Variants in SYT1 observed in about 807,000 individuals in gnomAD.
SYT1 encodes synaptotagmin-1.
Under a neutral mutation model 44.8 loss-of-function variants are expected in SYT1, and 8 were observed. The ratio of observed to expected loss-of-function variants is 0.18; its 90% confidence interval spans 0.10 to 0.32. The LOEUF is 0.32. SYT1 is among the 10% of genes least tolerant of loss of function. The pLI is 1.00. For missense variants in SYT1, 286 were observed against 509.3 expected (o/e 0.56, Z 4.22); for synonymous variants, 154 against 188.8 (o/e 0.82, Z 1.51).
chr12:79,408,086 T>C (rs890241865), intron 9 of SYT1, among the ~76,000 whole-genome samples: 4 of 152,070 alleles, frequency 2.6e-5, no homozygotes, highest in African/African-American at 9.7e-5. Context: ...TTAAAGCAAA[T>C]GTATGCACAG....
intron 1 of SYT1, among the ~76,000 whole-genome samples, chr12:78,933,033 G>T (rs1303304858): frequency 2.0e-5 from 3 of 152,118 alleles, no homozygotes; most frequent in African/African-American, 7.2e-5. Flanking sequence ...GGTATCCTTG[G>T]AAATATTTGT....
intron 1 of SYT1, among the ~76,000 whole-genome samples, chr12:78,872,007 G>A (rs889943934): frequency 6.6e-6 from 1 of 151,846 alleles, no homozygotes; most frequent in Non-Finnish European, 1.5e-5. Flanking sequence ...TCTGTGTACA[G>A]GAAATTCTTC....
intron 4 of SYT1, among the ~76,000 whole-genome samples, chr12:79,234,097 C>G (rs562567694): frequency 6.6e-6 from 1 of 152,240 alleles, no homozygotes; most frequent in African/African-American, 2.4e-5. Flanking sequence ...TTCTAACATT[C>G]TTTCTCTCTC....
At chr12:79,217,288 A>G (rs907696857) in intron 3 of SYT1, among the ~76,000 whole-genome samples, 1 of 152,226 alleles carries the variant, frequency 6.6e-6, no homozygotes, top group Non-Finnish European at 1.5e-5. Flanking sequence ...GCTATTCAGT[A>G]ACTATGTCTG....
chr12:79,105,523 G>C (rs1878665922), intron 3 of SYT1, among the ~76,000 whole-genome samples: 1 of 152,192 alleles, frequency 6.6e-6, no homozygotes, highest in Non-Finnish European at 1.5e-5. Context: ...TGTGTCAGCA[G>C]TAAACTTTGG....
intron 1 of SYT1, among the ~76,000 whole-genome samples, chr12:78,894,946 T>C (rs1010233287): frequency 1.3e-5 from 2 of 151,684 alleles, no homozygotes; most frequent in Non-Finnish European, 3.0e-5. Flanking sequence ...TTCAGTGAGG[T>C]AATGCATATG....
chr12:79,339,711 T>G (rs1391515017), intron 8 of SYT1, among the ~76,000 whole-genome samples: 2 of 152,208 alleles, frequency 1.3e-5, no homozygotes, highest in Non-Finnish European at 2.9e-5. Context: ...TTGTTGTCAT[T>G]GCTTTTGGTG....
intron 2 of SYT1, among the ~76,000 whole-genome samples, chr12:79,030,362 T>A (rs1025016477): frequency 6.6e-6 from 1 of 150,944 alleles, no homozygotes; most frequent in African/African-American, 2.4e-5. Flanking sequence ...CACACTAACC[T>A]ACTCTCTAGA....
intron 3 of SYT1, among the ~76,000 whole-genome samples, chr12:79,127,744 C>G (rs73355566): frequency 1.7e-4 from 26 of 152,276 alleles, no homozygotes; most frequent in Non-Finnish European, 2.2e-4. Flanking sequence ...ACACAGAAGA[C>G]GAAAAGCTCA....
chr12:78,865,547 T>C (rs1873490930), intron 1 of SYT1, among the ~76,000 whole-genome samples: 1 of 118,882 alleles, frequency 8.4e-6, no homozygotes, highest in African/African-American at 3.4e-5. Context: ...GATTTCTTTC[T>C]GTTGGGGAGA....
intron 3 of SYT1, among the ~76,000 whole-genome samples, chr12:79,052,069 T>G (rs974667299): frequency 6.6e-6 from 1 of 152,134 alleles, no homozygotes; most frequent in African/African-American, 2.4e-5. Context: ...GTGAAGAAAG[T>G]CATTGGTAGC....
At chr12:79,248,417 A>G (rs1057223046) in intron 4 of SYT1, among the ~76,000 whole-genome samples, 3 of 152,228 alleles carry the variant, frequency 2.0e-5, no homozygotes, top group Admixed American at 2.0e-4. Context: ...AGCATATTCA[A>G]AAAAGAAAAA....
intron 10 of SYT1, 58 bp downstream of exon 10, chr12:79,444,264 A>G: frequency 6.3e-7 from 1 of 1,596,408 alleles, no homozygotes. Flanking sequence ...GACCACATAA[A>G]TTATACACAC....
At chr12:78,882,868 A>T (rs573815788) in intron 1 of SYT1, among the ~76,000 whole-genome samples, 1 of 151,738 alleles carries the variant, frequency 6.6e-6, no homozygotes, top group East Asian at 1.9e-4. Flanking sequence ...TCATGGCATC[A>T]TAGATTTTTT....
intron 3 of SYT1, among the ~76,000 whole-genome samples, chr12:79,088,479 G>A (rs1344687754): frequency 6.6e-6 from 1 of 152,194 alleles, no homozygotes; most frequent in Non-Finnish European, 1.5e-5. Context: ...AGTTTAAACC[G>A]TGTGGCCAGA....
chr12:79,191,840 C>T (rs1011128502), intron 3 of SYT1, among the ~76,000 whole-genome samples: 4 of 151,794 alleles, frequency 2.6e-5, no homozygotes, highest in Admixed American at 6.6e-5. Context: ...CCTGAATAAC[C>T]ACAACTTAAG....
chr12:78,993,354 G>T (rs1051543260), intron 2 of SYT1, among the ~76,000 whole-genome samples: 1 of 152,140 alleles, frequency 6.6e-6, no homozygotes, highest in African/African-American at 2.4e-5. Flanking sequence ...CCATGAGTTT[G>T]GTGTTTTCCT....
At chr12:79,044,031 C>G (rs1873804463) in intron 2 of SYT1, among the ~76,000 whole-genome samples, 1 of 152,098 alleles carries the variant, frequency 6.6e-6, no homozygotes, top group Non-Finnish European at 1.5e-5. Context: ...TGTGGGTAAC[C>G]CAACCTTTCT....
intron 3 of SYT1, among the ~76,000 whole-genome samples, chr12:79,155,304 A>T (rs1318203631): frequency 6.6e-6 from 1 of 152,212 alleles, no homozygotes. Context: ...AAGAGGGATT[A>T]TAGAGGCTCT....
Sources: allele counts gnomAD v4.1 joint callset (sites outside exome capture counted in the v4.1 genomes callset), GRCh38; gene constraint gnomAD v4.1.1; transcripts MANE v1.5; gene names NCBI Gene and HGNC (gene_info 2026-07-23, HGNC 2026-07-21).